The following RTN4RL1 variants were observed in gnomAD, a reference collection of about 807,000 sequenced individuals.
The protein encoded by RTN4RL1 is reticulon 4 receptor like 1.
RTN4RL1 carries 7 observed loss-of-function variants against 25.6 expected under a neutral mutation model. The observed-to-expected ratio is 0.27, with a 90% confidence interval of 0.16 to 0.51. The LOEUF is 0.51. RTN4RL1 is among the 20% of genes least tolerant of loss of function. The pLI is 0.97. For synonymous variants in RTN4RL1, 297 were observed against 288.2 expected, an observed-to-expected ratio of 1.03 and a Z score of -0.31; for missense variants, 500 against 615.6, an observed-to-expected ratio of 0.81 and a Z score of 1.99.
intron 1 of RTN4RL1, among the ~76,000 whole-genome samples, chr17:1,959,317 T>G (rs755864637): frequency 2.3e-4 from 35 of 152,330 alleles, no homozygotes; most frequent in Admixed American, 1.1e-3. Flanking sequence ...AGTGTCTTCT[T>G]CATCCTAATC....
chr17:1,947,046 G>A (rs62067549), intron 1 of RTN4RL1, among the ~76,000 whole-genome samples: 46 of 54,004 alleles, frequency 8.5e-4, no homozygotes, highest in African/African-American at 2.0e-3. Context: ...GTCTGTGTGC[G>A]TCTCTGTGAA....
At position 2,024,846 on chromosome 17, in the gene RTN4RL1, A is replaced by G. The variant is rs2067252294; in HGVS notation, c.13+7T>C. On this transcript the variant is annotated splice_region_variant and intron_variant, in intron 1 of 1. Transcript: ENST00000331238. ...AACTTCAACTTGCCCCTGCGGCTCC[A>G]ACTCACCTTTGCGAAGCATGTTGGC... The G allele has an allele frequency of 6.3e-7, 1 of 1,580,454 alleles. No individual in the cohort carries two copies. The highest frequency in any genetic ancestry group is 8.6e-7 in the Non-Finnish European group (1 of 1,164,298).
intron 1 of RTN4RL1, among the ~76,000 whole-genome samples, chr17:1,975,482 C>A (rs2066839058): frequency 6.6e-6 from 1 of 152,022 alleles, no homozygotes. Flanking sequence ...GAAAGTCTGT[C>A]TCTACTAAAA....
chr17:2,003,448 G>C (rs1221764311), intron 1 of RTN4RL1: 1 of 152,204 alleles, frequency 6.6e-6, no homozygotes, highest in Non-Finnish European at 1.5e-5. Context: ...TGGCTGCAGT[G>C]ATAGAGGACA....
At chr17:1,967,640 CTCTCTT>C (rs1056094777) in intron 1 of RTN4RL1, among the ~76,000 whole-genome samples, 2 of 151,128 alleles carry the variant, frequency 1.3e-5, no homozygotes, top group Non-Finnish European at 3.0e-5. Flanking sequence ...TTTCCAGTCT[CTCTCTT>C]TCTTTTTTTT....
In RTN4RL1 at chr17:1,987,379, G is replaced by A. The variant is rs560081804; in HGVS notation, c.13+37474C>T. ...GGGGGAAGAGAAGTTCTCCTTTTCCGGGAGGAGGGACAGATGGAAACCTGG... is the reference window on the plus strand; with the variant it reads ...GGGGGAAGAGAAGTTCTCCTTTTCCAGGAGGAGGGACAGATGGAAACCTGG... On this transcript the variant is annotated intron_variant, in intron 1 of 1. Coordinates refer to ENST00000331238, the MANE Select transcript of RTN4RL1 (RefSeq NM_178568.4). Among the ~76,000 whole-genome samples, 8 of 152,230 alleles carry A rather than the reference G, an allele frequency of 5.3e-5. No homozygotes were observed. In the South Asian group the frequency reaches 1.0e-3, roughly 20 times the overall value.
At chr17:1,942,553 G>A (rs980001164) in intron 1 of RTN4RL1, among the ~76,000 whole-genome samples, 8 of 152,066 alleles carry the variant, frequency 5.3e-5, no homozygotes, top group Non-Finnish European at 8.8e-5. Context: ...ACATTGTTCC[G>A]TCACCTCCTG....
At chr17:1,951,596 A>G (rs1255843462) in intron 1 of RTN4RL1, among the ~76,000 whole-genome samples, 1 of 151,966 alleles carries the variant, frequency 6.6e-6, no homozygotes, top group African/African-American at 2.4e-5. Flanking sequence ...GATTACAGGC[A>G]CACGCCACCA....
rs1012702794 is a variant in RTN4RL1 at position 1,978,122 on chromosome 17, T to C, written c.14-40314A>G. Among the ~76,000 whole-genome samples the C allele has an allele frequency of 7.2e-5, 11 of 152,298 alleles. No individual in the cohort carries two copies. The South Asian group carries it at 8.3e-4, about 11-fold the overall frequency. The stretch of plus-strand genomic sequence containing the variant: ...ACTCTCGGGGAGGGAGGAACCGCCA[T>C]TGCCTGTGGGGGTCAAGGTTGGGGC... On this transcript the variant is annotated intron_variant, in intron 1 of 1. Transcript: ENST00000331238.
chr17:1,978,419 G>A lies in RTN4RL1; in HGVS notation c.14-40611C>T, dbSNP rs551440910. The stretch of plus-strand genomic sequence containing the variant: ...TGTCCCCAGAGGACGGGCTCGTGGA[G>A]CAGAAGCCTTTAGAGGAGAGGCTTG... On this transcript the variant is annotated intron_variant, in intron 1 of 1. Transcript: ENST00000331238. Among the ~76,000 whole-genome samples the A allele has an allele frequency of 2.6e-5, 4 of 152,378 alleles. No individual in the cohort carries two copies. The South Asian group carries it at 8.3e-4, about 32-fold the overall frequency.
intron 1 of RTN4RL1, among the ~76,000 whole-genome samples, chr17:2,015,051 G>A (rs555576608): frequency 1.3e-5 from 2 of 152,268 alleles, no homozygotes; most frequent in East Asian, 3.9e-4. Flanking sequence ...CGGCCGCTGT[G>A]TAAGGCCTGG....
rs987546714 is a variant in RTN4RL1, at chr17:1,998,157, T to A, written c.13+26696A>T. Among the ~76,000 whole-genome samples the A allele has an allele frequency of 4.6e-5, 7 of 151,986 alleles. No homozygotes were observed. Among genetic ancestry groups the A allele is most frequent in the South Asian group, 4.2e-4 (2 of 4,810 alleles). On this transcript the variant is annotated intron_variant, in intron 1 of 1. Coordinates refer to ENST00000331238, the MANE Select transcript of RTN4RL1 (RefSeq NM_178568.4). This position sits in a 1 kb window ranked among gnomAD's most constrained non-coding sequence, Gnocchi z 4.9. ...GGCGGAGGGGGCGGGGAGGCCTCCT[T>A]GGCTCCCTGGCCCGGATTAAATATT...
chr17:1,981,769 C>T (rs1449457294), intron 1 of RTN4RL1, among the ~76,000 whole-genome samples: 2 of 152,212 alleles, frequency 1.3e-5, no homozygotes, highest in African/African-American at 4.8e-5. Context: ...TGGGACACAG[C>T]TTGTACCCAA....
At chr17:1,996,434 C>A (rs536813495) in intron 1 of RTN4RL1, among the ~76,000 whole-genome samples, 205 of 146,930 alleles carry the variant, frequency 1.4e-3, no homozygotes, top group African/African-American at 5.0e-3. Context: ...TGGCTGCTGC[C>A]CTCCCCCTGA....
In RTN4RL1 at chr17:1,935,110, G is replaced by A. The variant is rs1397614105; in HGVS notation, c.*1386C>T. ...CCAAACAGCCTCAAGGAAAAATTCA[G>A]CAGCTGAGCCGTGCGGGAGGCCTGG... On this transcript the variant is annotated 3_prime_UTR_variant, in exon 2 of 2. Coordinates refer to ENST00000331238, the MANE Select transcript of RTN4RL1 (RefSeq NM_178568.4). The A allele has an allele frequency of 6.5e-6, 1 of 152,674 alleles. No homozygotes were observed. The highest frequency in any genetic ancestry group is 1.5e-5 in the Non-Finnish European group (1 of 68,154). The allele number at this position is 152,674 out of a possible 1,614,324, so 9.5% of individuals were successfully genotyped here. A position where few individuals can be genotyped will look rare whatever the true frequency, so the allele number is the denominator to read the frequency against.
intron 1 of RTN4RL1, among the ~76,000 whole-genome samples, chr17:2,002,417 C>G (rs577552709): frequency 4.0e-5 from 6 of 150,392 alleles, no homozygotes; most frequent in African/African-American, 7.3e-5. Context: ...CTCAGCCTCC[C>G]GAGTAGCTGG....
intron 1 of RTN4RL1, chr17:2,019,255 C>G (rs775242027): frequency 6.6e-6 from 1 of 152,294 alleles, no homozygotes; most frequent in Non-Finnish European, 1.5e-5. Context: ...TGGCTTCTGC[C>G]GTCCCTGGAG....
At chr17:1,952,332 G>GTTT (rs56878786) in intron 1 of RTN4RL1, among the ~76,000 whole-genome samples, 29 of 135,432 alleles carry the variant, frequency 2.1e-4, no homozygotes, top group East Asian at 4.5e-4. Flanking sequence ...AGGGAGGTTG[G>GTTT]TTTTTTTTTT....
chr17:2,008,951 G>A (rs990712662), intron 1 of RTN4RL1, among the ~76,000 whole-genome samples: 1 of 152,098 alleles, frequency 6.6e-6, no homozygotes, highest in Non-Finnish European at 1.5e-5. Flanking sequence ...TCCTGGGCCT[G>A]CAGACTGAGC....
Sources: allele counts gnomAD v4.1 joint callset (sites outside exome capture counted in the v4.1 genomes callset), GRCh38; gene constraint gnomAD v4.1.1; non-coding constraint Gnocchi (gnomAD v3.1); transcripts MANE v1.5; gene names NCBI Gene and HGNC (gene_info 2026-07-23, HGNC 2026-07-21).